QTGAL: variants seen among roughly 807,000 people sequenced by gnomAD.
QTGAL encodes the protein queuosine-tRNA galactosyltransferase, also known as BGnT-like protein 1.
the QTGAL span, among the ~76,000 whole-genome samples, chr17:82,964,029 G>GGGC: frequency 6.9e-4 from 99 of 143,954 alleles, 2 homozygotes; most frequent in Middle Eastern, 3.6e-3. Context: ...GGCTGAGGTC[G>GGGC]GGGGGGTGGA....
At chr17:82,989,899 G>C in the QTGAL span, among the ~76,000 whole-genome samples, 6 of 152,138 alleles carry the variant, frequency 3.9e-5, no homozygotes, top group African/African-American at 7.2e-5. Flanking sequence ...GTATATTACG[G>C]GCAATTGCAC....
chr17:83,038,564 TA>T, the QTGAL span, among the ~76,000 whole-genome samples: 3 of 152,186 alleles, frequency 2.0e-5, no homozygotes, highest in Non-Finnish European at 4.4e-5. Context: ...TTCTTTAACT[TA>T]AAAGAATATT....
chr17:82,957,451 C>T, the QTGAL span: 1 of 1,610,960 alleles, frequency 6.2e-7, no homozygotes, highest in Non-Finnish European at 8.5e-7. Flanking sequence ...CGGGGCAGGG[C>T]CTGCTCTTCC....
chr17:83,016,277 G>A, the QTGAL span, among the ~76,000 whole-genome samples: 1,767 of 152,204 alleles, frequency 0.012, 36 homozygotes, highest in African/African-American at 0.04. Flanking sequence ...AAGGATATCT[G>A]TTTTTAAGTT....
the QTGAL span, among the ~76,000 whole-genome samples, chr17:82,963,869 T>G: frequency 6.6e-6 from 1 of 152,174 alleles, no homozygotes; most frequent in Non-Finnish European, 1.5e-5. Flanking sequence ...GAATTGCACA[T>G]TTTAATAGGT....
chr17:83,000,458 T>A, the QTGAL span, among the ~76,000 whole-genome samples: 1 of 152,240 alleles, frequency 6.6e-6, no homozygotes, highest in Non-Finnish European at 1.5e-5. Context: ...CATTTCTGCA[T>A]CCCTACATTT....
chr17:82,996,761 T>C, the QTGAL span, among the ~76,000 whole-genome samples: 1 of 152,190 alleles, frequency 6.6e-6, no homozygotes, highest in Non-Finnish European at 1.5e-5. Flanking sequence ...AGTGAACTCA[T>C]TTTTGACAAA....
chr17:82,993,585 G>A, the QTGAL span, among the ~76,000 whole-genome samples: 1 of 152,120 alleles, frequency 6.6e-6, no homozygotes, highest in East Asian at 1.9e-4. Flanking sequence ...TTTCCAGACA[G>A]AAAATCAACA....
the QTGAL span, among the ~76,000 whole-genome samples, chr17:82,959,658 G>A: frequency 6.6e-6 from 1 of 151,434 alleles, no homozygotes. Context: ...ACCCCAGGGG[G>A]TTCACGTGAC....
the QTGAL span, chr17:82,957,419 C>T: frequency 6.2e-7 from 1 of 1,612,946 alleles, no homozygotes; most frequent in Non-Finnish European, 8.5e-7. Flanking sequence ...TGCCAGCGTT[C>T]CAGATGGTGA....
chr17:83,050,931 C>G, the QTGAL span, among the ~76,000 whole-genome samples: 1 of 150,802 alleles, frequency 6.6e-6, no homozygotes, highest in African/African-American at 2.5e-5. Context: ...TGTGCAGGCA[C>G]AAGACGTGTG....
At chr17:82,997,947 A>ATC in the QTGAL span, among the ~76,000 whole-genome samples, 2 of 147,358 alleles carry the variant, frequency 1.4e-5, no homozygotes, top group East Asian at 2.0e-4. Flanking sequence ...ATATATATAT[A>ATC]TCTATATCTA....
At chr17:82,982,864 T>C in the QTGAL span, among the ~76,000 whole-genome samples, 1 of 152,162 alleles carries the variant, frequency 6.6e-6, no homozygotes, top group East Asian at 1.9e-4. Flanking sequence ...GGTCTGTGGC[T>C]GCCACATCGT....
chr17:82,958,475 T>G, the QTGAL span, among the ~76,000 whole-genome samples: 2 of 152,164 alleles, frequency 1.3e-5, no homozygotes, highest in African/African-American at 2.4e-5. Flanking sequence ...GGGTTCAGCC[T>G]CGGGATCGGG....
the QTGAL span, among the ~76,000 whole-genome samples, chr17:82,966,653 A>T: frequency 6.6e-6 from 1 of 152,138 alleles, no homozygotes; most frequent in Admixed American, 6.5e-5. Context: ...CATGGCCCTC[A>T]ACCCTTGCCT....
At chr17:82,983,751 G>C in the QTGAL span, among the ~76,000 whole-genome samples, 1 of 152,248 alleles carries the variant, frequency 6.6e-6, no homozygotes, top group African/African-American at 2.4e-5. Flanking sequence ...AGGGGCCCCG[G>C]GGCGGAGGAG....
the QTGAL span, among the ~76,000 whole-genome samples, chr17:83,050,423 A>C: frequency 6.6e-6 from 1 of 152,164 alleles, no homozygotes; most frequent in East Asian, 1.9e-4. Context: ...TTATTTACAA[A>C]TTTACCTTAG....
chr17:83,034,937 A>G, the QTGAL span: 2 of 1,026,036 alleles, frequency 1.9e-6, no homozygotes, highest in East Asian at 5.0e-5. Context: ...AACCATTAGA[A>G]AAATGATTTT....
the QTGAL span, among the ~76,000 whole-genome samples, chr17:83,029,095 G>A: frequency 9.2e-5 from 14 of 152,214 alleles, no homozygotes; most frequent in African/African-American, 2.4e-4. Context: ...CATGCAGGCC[G>A]TTCCGAGGGA....
Sources: gnomAD v4.1 joint callset for allele counts (sites outside exome capture counted in the v4.1 genomes callset) on GRCh38, gnomAD v4.1.1 for gene constraint, MANE v1.5 for transcripts, NCBI Gene and HGNC (gene_info 2026-07-23, HGNC 2026-07-21) for gene names.